SLC37A3: variants seen among roughly 807,000 people sequenced by gnomAD.
SLC37A3 encodes the protein sugar phosphate exchanger 3.
SLC37A3 carries 51 observed loss-of-function variants against 67.1 expected under a neutral mutation model. That is an observed-to-expected ratio of 0.76 (90% confidence interval 0.61 to 0.96). The LOEUF (loss-of-function observed/expected upper bound fraction) is 0.96. SLC37A3 is among the 40% of genes least tolerant of loss of function. The pLI is 0.00. For missense variants in SLC37A3, 508 were observed against 603.0 expected, an observed-to-expected ratio of 0.84 and a Z score of 1.65; for synonymous variants, 214 against 231.4, an observed-to-expected ratio of 0.92 and a Z score of 0.68.
intron 4 of SLC37A3, among the ~76,000 whole-genome samples, chr7:140,366,715 C>T (rs1797615377): frequency 6.6e-6 from 1 of 152,136 alleles, no homozygotes; most frequent in Non-Finnish European, 1.5e-5. Flanking sequence ...CAGCCAAAGC[C>T]CCGTGCCTCT....
rs1798758239 is a variant in SLC37A3 at position 140,392,440 on chromosome 7, C to CCCA, written c.-71+5973_-71+5975dup. ...AGCCTCCAGATGGATAAGCTCACTC[C>CCCA]CCAGCCTCTCGGTTCTGGTCCTCTT... On this transcript the variant is annotated intron_variant, in intron 1 of 14. Transcript: ENST00000326232. Among the ~76,000 whole-genome samples the CCCA allele has an allele frequency of 2.0e-5, 3 of 152,240 alleles. No individual in the cohort carries two copies. In the South Asian group the frequency reaches 6.2e-4, roughly 32 times the overall value.
At chr7:140,362,711 A>T (rs111736115) in intron 5 of SLC37A3, among the ~76,000 whole-genome samples, 1 of 48,842 alleles carries the variant, frequency 2.0e-5, no homozygotes, top group Non-Finnish European at 4.1e-5. Context: ...CCAGCCGCCC[A>T]GTCCGGGAGG....
intron 13 of SLC37A3, among the ~76,000 whole-genome samples, chr7:140,341,655 C>T (rs193082281): frequency 5.3e-5 from 8 of 152,290 alleles, no homozygotes; most frequent in Non-Finnish European, 1.0e-4. Flanking sequence ...TTACTCCAGA[C>T]GTGCTTCCCC....
chr7:140,359,956 TG>T (rs1797199384), intron 5 of SLC37A3, among the ~76,000 whole-genome samples: 1 of 152,240 alleles, frequency 6.6e-6, no homozygotes, highest in Non-Finnish European at 1.5e-5. Context: ...ATGTTTATTA[TG>T]TGTGGGTGAG....
intron 7 of SLC37A3, among the ~76,000 whole-genome samples, chr7:140,354,740 GTT>G (rs757344637): frequency 0.14 from 17,582 of 124,062 alleles, 1,150 homozygotes; most frequent in South Asian, 0.25. Context: ...GCTTTTTGGT[GTT>G]TTTTTTTTTT....
chr7:140,395,049 A>G (rs1161241045), intron 1 of SLC37A3, among the ~76,000 whole-genome samples: 4 of 152,154 alleles, frequency 2.6e-5, no homozygotes, highest in Non-Finnish European at 1.5e-5. Context: ...GATAAAATAC[A>G]ATAGTTAGAA....
At chr7:140,375,171 C>CAAAAAAAA (rs147837304) in intron 3 of SLC37A3, among the ~76,000 whole-genome samples, 5 of 132,692 alleles carry the variant, frequency 3.8e-5, no homozygotes, top group Non-Finnish European at 3.1e-5. Context: ...AAACAAAAAA[C>CAAAAAAAA]AACAAAAAAA....
At chr7:140,388,175 G>GA (rs1279516046) in intron 1 of SLC37A3, among the ~76,000 whole-genome samples, 1 of 151,800 alleles carries the variant, frequency 6.6e-6, no homozygotes, top group African/African-American at 2.4e-5. Context: ...GCTCATGCCT[G>GA]AAATTCCAGT....
At chr7:140,390,811 A>T (rs1225242205) in intron 1 of SLC37A3, among the ~76,000 whole-genome samples, 1 of 151,976 alleles carries the variant, frequency 6.6e-6, no homozygotes, top group Non-Finnish European at 1.5e-5. Context: ...TGAATATACC[A>T]CACCTCAACA....
chr7:140,392,161 A>C (rs1236154605), intron 1 of SLC37A3, among the ~76,000 whole-genome samples: 1 of 152,072 alleles, frequency 6.6e-6, no homozygotes, highest in Non-Finnish European at 1.5e-5. Flanking sequence ...TCTAAGCAGG[A>C]AGATAACTGA....
intron 7 of SLC37A3, among the ~76,000 whole-genome samples, chr7:140,354,257 A>C (rs932469463): frequency 6.6e-6 from 1 of 152,176 alleles, no homozygotes; most frequent in South Asian, 2.1e-4. Context: ...CTGGAGGTGG[A>C]ACTACTCAGT....
intron 6 of SLC37A3, among the ~76,000 whole-genome samples, chr7:140,358,186 T>TA (rs558312911): frequency 3.3e-5 from 5 of 152,174 alleles, no homozygotes; most frequent in African/African-American, 4.8e-5. Context: ...GAGCCCTTGT[T>TA]ACATGACCTT....
intron 4 of SLC37A3, among the ~76,000 whole-genome samples, chr7:140,367,241 A>C (rs867244639): frequency 6.6e-6 from 1 of 152,172 alleles, no homozygotes; most frequent in Non-Finnish European, 1.5e-5. Context: ...GTTTGAGACC[A>C]GCCTGGCCAA....
At chr7:140,337,459 A>T (rs1796188462) in intron 13 of SLC37A3, 110 bp from the exon 14 acceptor site, 1 of 898,218 alleles carries the variant, frequency 1.1e-6, no homozygotes, top group South Asian at 2.2e-5. Context: ...AGGGAACAGG[A>T]TTTGTATGTT....
chr7:140,358,982 C>G (rs1172906801), intron 5 of SLC37A3, among the ~76,000 whole-genome samples, 197 bp from the exon 6 acceptor site: 3 of 152,090 alleles, frequency 2.0e-5, no homozygotes, highest in African/African-American at 7.2e-5. Context: ...AATCACTGCC[C>G]ACCAGAGAGG....
intron 3 of SLC37A3, among the ~76,000 whole-genome samples, chr7:140,374,769 G>T (rs554635309): frequency 6.6e-6 from 1 of 152,066 alleles, no homozygotes; most frequent in Non-Finnish European, 1.5e-5. Context: ...GAGATGGGAA[G>T]ATGGCTTGAG....
intron 10 of SLC37A3, among the ~76,000 whole-genome samples, chr7:140,347,878 G>A (rs966767228): frequency 6.6e-5 from 10 of 152,026 alleles, no homozygotes; most frequent in Non-Finnish European, 7.4e-5. Context: ...ACACACTAAG[G>A]TGTATTTCCC....
intron 4 of SLC37A3, among the ~76,000 whole-genome samples, chr7:140,367,189 C>T (rs1362936924): frequency 1.3e-5 from 2 of 150,930 alleles, no homozygotes; most frequent in Admixed American, 6.6e-5. Context: ...GTAATCCCAG[C>T]ACTTTGGAAG....
At chr7:140,375,352 G>A (rs1390540103) in intron 3 of SLC37A3, among the ~76,000 whole-genome samples, 1 of 151,560 alleles carries the variant, frequency 6.6e-6, no homozygotes, top group African/African-American at 2.4e-5. Flanking sequence ...ATGTGCACCT[G>A]TAATCCCAGC....
Sources: allele counts gnomAD v4.1 joint callset (sites outside exome capture counted in the v4.1 genomes callset), GRCh38; gene constraint gnomAD v4.1.1; transcripts MANE v1.5; gene names NCBI Gene and HGNC (gene_info 2026-07-23, HGNC 2026-07-21).